Variants in NFIB observed in about 807,000 individuals in gnomAD.
The protein encoded by NFIB is nuclear factor 1 B-type.
NFIB carries 11 observed loss-of-function variants against 61.5 expected under a neutral mutation model. The observed-to-expected ratio is 0.18, with a 90% confidence interval of 0.11 to 0.30. NFIB has a LOEUF of 0.30. Ranked by LOEUF, NFIB falls within the 10% of genes least tolerant of loss-of-function variation. NFIB has a pLI of 1.00. For synonymous variants in NFIB, 260 were observed against 216.5 expected, an observed-to-expected ratio of 1.20 and a Z score of -1.76; for missense variants, 471 against 608.9, an observed-to-expected ratio of 0.77 and a Z score of 2.38.
At chr9:14,220,235 G>C (rs2051474012) in intron 2 of NFIB, among the ~76,000 whole-genome samples, 1 of 152,068 alleles carries the variant, frequency 6.6e-6, no homozygotes, top group Admixed American at 6.5e-5. Context: ...AGTTATTATT[G>C]ATAACAAGGA....
intron 2 of NFIB, among the ~76,000 whole-genome samples, chr9:14,190,834 G>A (rs1271509374): frequency 1.3e-5 from 2 of 152,204 alleles, no homozygotes; most frequent in Non-Finnish European, 2.9e-5. Context: ...ACAGAGACAT[G>A]AAGATGGGGC....
intron 2 of NFIB, among the ~76,000 whole-genome samples, chr9:14,301,538 T>TA: frequency 6.6e-6 from 1 of 152,324 alleles, no homozygotes; most frequent in South Asian, 2.1e-4. Flanking sequence ...TTGAAAATCA[T>TA]AATTGATGTA....
chr9:14,505,042 G>T, the NFIB span, among the ~76,000 whole-genome samples: 1 of 152,154 alleles, frequency 6.6e-6, no homozygotes, highest in Non-Finnish European at 1.5e-5. Context: ...AATCATAAAG[G>T]GACGCTGGAT....
chr9:14,320,760 G>C (rs1405746917), intron 1 of NFIB, among the ~76,000 whole-genome samples: 19 of 152,062 alleles, frequency 1.2e-4, no homozygotes, highest in Non-Finnish European at 1.5e-5. Context: ...TTACTTTCTG[G>C]ACTTATTCCA....
At chr9:14,468,973 G>A in the NFIB span, among the ~76,000 whole-genome samples, 2 of 152,134 alleles carry the variant, frequency 1.3e-5, no homozygotes, top group Admixed American at 6.5e-5. Context: ...CTAACCGTGT[G>A]CTCCACACTG....
chr9:14,317,057 C>G (rs1481359679), upstream of NFIB: 2 of 152,102 alleles, frequency 1.3e-5, no homozygotes, highest in African/African-American at 2.4e-5. Context: ...TCCTGGCACC[C>G]AGAGAGCACT....
At chr9:14,214,342 A>G (rs2050628277) in intron 2 of NFIB, among the ~76,000 whole-genome samples, 1 of 152,220 alleles carries the variant, frequency 6.6e-6, no homozygotes, top group Non-Finnish European at 1.5e-5. Flanking sequence ...CGTGGTCCCC[A>G]TGCTTGGCTT....
At chr9:14,214,366 C>T (rs955208132) in intron 2 of NFIB, among the ~76,000 whole-genome samples, 6 of 152,236 alleles carry the variant, frequency 3.9e-5, no homozygotes, top group African/African-American at 1.2e-4. Context: ...GCTCTTCTGT[C>T]ACCATCTTGA....
rs2060705674 is a variant in NFIB at position 14,323,307 on chromosome 9, TG to T, written c.109-15788del. 2.6e-5 allele frequency among the ~76,000 whole-genome samples: 4 copies of T among 152,096 alleles called. No individual in the cohort carries two copies. The South Asian group carries it at 8.3e-4, about 31-fold the overall frequency. On this transcript the variant is annotated intron_variant, in intron 1 of 8. Coordinates refer to the NFIB transcript ENST00000380934. ...AAACACTCTAGAGGAGATTGGATAG[TG>T]AGTTAATGTTCATAAAGCAAGCAGT... is the stretch of plus-strand genomic sequence containing the variant.
the NFIB span, among the ~76,000 whole-genome samples, chr9:14,517,926 G>A: frequency 2.2e-3 from 338 of 152,238 alleles, 1 homozygote; most frequent in African/African-American, 7.9e-3. Flanking sequence ...AGATGAGTTA[G>A]GTGCCTCTGT....
intron 2 of NFIB, among the ~76,000 whole-genome samples, chr9:14,226,542 T>C (rs952503985): frequency 2.0e-4 from 28 of 143,114 alleles, no homozygotes; most frequent in African/African-American, 7.3e-4. Context: ...AGCAAGACCC[T>C]ATCTCAGAAA....
rs559181138 is a variant in NFIB at position 14,149,425 on chromosome 9, G to A, written c.806+720C>T. ...CACATATATTTAATGCTCTAGGAAT[G>A]AGATGGGTCTTGAAGATCTAGCTCA... On this transcript the variant is annotated intron_variant, in intron 5 of 10. Transcript: ENST00000380953. Among the ~76,000 whole-genome samples, 5 of 152,194 alleles carry A rather than the reference G, an allele frequency of 3.3e-5. No individual in the cohort carries two copies. The South Asian group carries it at 1.0e-3, about 32-fold the overall frequency.
rs143901730 is a variant in NFIB, at chr9:14,178,178, T to G, written c.616+1549A>C. On this transcript the variant is annotated intron_variant, in intron 3 of 10. Coordinates refer to ENST00000380953, the MANE Select transcript of NFIB (RefSeq NM_001190737.2). ...AGTAAGGAGACTTTTAAAAAATGTT[T>G]GGATAAAATTCATTTTGTCTATCAT... Among the ~76,000 whole-genome samples, 1,291 of 152,248 alleles carry G rather than the reference T, an allele frequency of 8.5e-3. 13 individuals carry two copies. The highest frequency in any genetic ancestry group is 0.02 in the Middle Eastern group (6 of 294).
At chr9:14,512,202 AC>A in the NFIB span, among the ~76,000 whole-genome samples, 4 of 152,186 alleles carry the variant, frequency 2.6e-5, no homozygotes, top group Admixed American at 6.5e-5. Context: ...AAGGGTTCCA[AC>A]GTCTACAAAG....
Position 14,083,115 on chromosome 9 carries a change from C to G in NFIB, c.*5194G>C. On this transcript the variant is annotated 3_prime_UTR_variant, in exon 11 of 11. Coordinates refer to ENST00000380953, the MANE Select transcript of NFIB (RefSeq NM_001190737.2). ...TATTATTAAAAAAAAAAAAAAACTACTTACAACCATTGAAGAAAAAATTGC... is the reference window on the plus strand; with the variant it reads ...TATTATTAAAAAAAAAAAAAAACTAGTTACAACCATTGAAGAAAAAATTGC... The G allele has an allele frequency of 4.9e-6, 1 of 204,844 alleles. No homozygotes were observed. The highest frequency in any genetic ancestry group is 9.9e-6 in the Non-Finnish European group (1 of 101,260). The allele number at this position is 204,844 out of a possible 1,614,324, so 12.7% of individuals were successfully genotyped here.
intron 2 of NFIB, among the ~76,000 whole-genome samples, chr9:14,215,373 T>A (rs1046831146): frequency 7.0e-6 from 1 of 143,456 alleles, no homozygotes; most frequent in Non-Finnish European, 1.5e-5. Flanking sequence ...CTGCATATAC[T>A]AAGACTATGT....
chr9:14,190,727 G>C (rs2047856788), intron 2 of NFIB, among the ~76,000 whole-genome samples: 1 of 152,124 alleles, frequency 6.6e-6, no homozygotes. Context: ...CAAAAAAATA[G>C]CTGACATGAT....
chr9:14,198,639 T>C (rs924850546), intron 2 of NFIB, among the ~76,000 whole-genome samples: 11 of 152,274 alleles, frequency 7.2e-5, no homozygotes, highest in African/African-American at 2.6e-4. Flanking sequence ...TTCAGATTCC[T>C]CGACCTCACC....
intron 1 of NFIB, among the ~76,000 whole-genome samples, chr9:14,382,988 G>T (rs1015448323): frequency 6.6e-6 from 1 of 152,264 alleles, no homozygotes; most frequent in East Asian, 1.9e-4. Flanking sequence ...GCACAATTTG[G>T]AGAGAAGTAG....
Sources: gnomAD v4.1 joint callset for allele counts (sites outside exome capture counted in the v4.1 genomes callset) on GRCh38, gnomAD v4.1.1 for gene constraint, MANE v1.5 for transcripts, NCBI Gene and HGNC (gene_info 2026-07-23, HGNC 2026-07-21) for gene names.